The following MASP2 variants were observed in gnomAD, a reference collection of about 807,000 sequenced individuals.
MASP2 encodes the protein MBL associated serine protease 2.
Under a neutral mutation model 57.1 loss-of-function variants are expected in MASP2, and 49 were observed. That is an observed-to-expected ratio of 0.86 (90% CI 0.68 to 1.09). The LOEUF (loss-of-function observed/expected upper bound fraction) is 1.09, where lower values mean the gene tolerates loss of function less well. Ranked by LOEUF, MASP2 falls within the 50% of genes least tolerant of loss-of-function variation. The pLI is 0.00. For synonymous variants in MASP2, 379 were observed against 340.8 expected, an observed-to-expected ratio of 1.11 and a Z score of -1.24; for missense variants, 900 against 874.8, an observed-to-expected ratio of 1.03 and a Z score of -0.36.
rs762078074 is a variant in MASP2 at position 11,033,926 on chromosome 1, G to GACACAC, written c.1087+896_1087+901dup. Among the ~76,000 whole-genome samples the GACACAC allele has an allele frequency of 2.8e-3, 389 of 140,114 alleles. 2 individuals carry two copies. The highest frequency in any genetic ancestry group is 4.4e-3 in the Non-Finnish European group (292 of 65,928). 91.9% of individuals were successfully genotyped at this position (140,114 alleles called of 152,430 possible). On this transcript the variant is annotated intron_variant, in intron 8 of 10. Transcript: ENST00000400897. ...AGCCTGGGTGACAGAGTGAGACTCC[G>GACACAC]ACACACACACACACACACACACACA...
At chr1:11,043,120 A>T in intron 5 of MASP2, 98 bp from the exon 6 acceptor site, 1 of 1,371,160 alleles carries the variant, frequency 7.3e-7, no homozygotes, top group South Asian at 1.3e-5. Context: ...GGGACAGCCA[A>T]TGAGGCCAAC....
Position 11,039,128 on chromosome 1 carries a change from A to AGCTCCTG in MASP2, c.890-1318_890-1317insCAGGAGC, listed in dbSNP as rs200429677. ...ATTCAAGGATAGCTTCCTAGCTCCTAGCCCCTGTCTGGTGAGGTCCTCCTT... is the reference window on the plus strand; with the variant it reads ...ATTCAAGGATAGCTTCCTAGCTCCTAGCTCCTGGCCCCTGTCTGGTGAGGTCCTCCTT... On this transcript the variant is annotated intron_variant, in intron 6 of 10. Transcript: ENST00000400897. Among the ~76,000 whole-genome samples the AGCTCCTG allele has an allele frequency of 3.2e-3, 492 of 152,282 alleles. 9 individuals are homozygous for AGCTCCTG. The highest frequency in any genetic ancestry group is 0.012 in the African/African-American group (486 of 41,542).
chr1:11,035,575 TC>T (rs1643880906), intron 7 of MASP2, among the ~76,000 whole-genome samples: 3 of 151,154 alleles, frequency 2.0e-5, no homozygotes, highest in Admixed American at 6.6e-5. Context: ...CATTTCTGCA[TC>T]TGATGTTCCA....
At chr1:11,035,100 C>T (rs1373117265) in intron 7 of MASP2, among the ~76,000 whole-genome samples, 194 bp from the exon 8 acceptor site, 1 of 152,152 alleles carries the variant, frequency 6.6e-6, no homozygotes, top group Non-Finnish European at 1.5e-5. Flanking sequence ...TGCCCCACCG[C>T]CTCGGTGCAC....
At chr1:11,034,700 G>GGA (rs1553161101) in intron 8 of MASP2, 128 bp downstream of exon 8, 14 of 492,654 alleles carry the variant, frequency 2.8e-5, no homozygotes, top group Admixed American at 2.5e-4. Context: ...CCCTGTCTCA[G>GGA]AAAAAAAAAA....
chr1:11,040,333 G>A (rs1638386706), intron 6 of MASP2, among the ~76,000 whole-genome samples: 1 of 152,124 alleles, frequency 6.6e-6, no homozygotes, highest in Non-Finnish European at 1.5e-5. Context: ...GCTGGGCATG[G>A]TGGCGCATGC....
intron 10 of MASP2, among the ~76,000 whole-genome samples, chr1:11,029,168 ATTT>A (rs145611326): frequency 6.9e-6 from 1 of 143,894 alleles, no homozygotes; most frequent in Admixed American, 6.9e-5. Context: ...AATTTTTTGT[ATTT>A]TTTTTTTTTT....
chr1:11,044,106 A>C (rs1638551141), intron 4 of MASP2, among the ~76,000 whole-genome samples: 1 of 152,116 alleles, frequency 6.6e-6, no homozygotes, highest in African/African-American at 2.4e-5. Flanking sequence ...GAACCCAGCC[A>C]AGACCAGCCA....
chr1:11,046,496 A>C, intron 3 of MASP2, 60 bp downstream of exon 3: 12 of 1,591,148 alleles, frequency 7.5e-6, no homozygotes, highest in African/African-American at 1.3e-5. Flanking sequence ...GGCCTAAGAC[A>C]GAGTTACCCC....
rs115750484 is a variant in MASP2, at chr1:11,026,701, G to A, written c.*184C>T. 761 of 450,386 alleles carry A rather than the reference G, an allele frequency of 1.7e-3. 7 individuals are homozygous for A. The highest frequency in any genetic ancestry group is 0.013 in the African/African-American group (656 of 49,086). 27.9% of individuals were successfully genotyped at this position (450,386 alleles called of 1,614,324 possible). ...TGGTTTATGTCCCCTTGAGTCAATG[G>A]GTAAGGCTGGAATTAAACTGGCAAG... On this transcript the variant is annotated 3_prime_UTR_variant, in exon 11 of 11. Coordinates refer to ENST00000400897, the MANE Select transcript of MASP2 (RefSeq NM_006610.4).
intron 6 of MASP2, among the ~76,000 whole-genome samples, chr1:11,041,594 G>A: frequency 6.9e-6 from 1 of 144,622 alleles, no homozygotes; most frequent in Non-Finnish European, 1.5e-5. Flanking sequence ...GTGGGTGGAT[G>A]GATGGTGGAT....
At chr1:11,040,822 ATGAG>A (rs1437464068) in intron 6 of MASP2, among the ~76,000 whole-genome samples, 1 of 148,088 alleles carries the variant, frequency 6.8e-6, no homozygotes, top group East Asian at 2.0e-4. Context: ...AGGTAGAAGA[ATGAG>A]TGGACAGATG....
chr1:11,030,919 C>T (rs1557667553), intron 8 of MASP2, 37 bp from the exon 9 acceptor site: 3 of 1,597,482 alleles, frequency 1.9e-6, no homozygotes, highest in Non-Finnish European at 2.6e-6. Context: ...ATCCATTGAT[C>T]ATTTCAGTGC....
intron 7 of MASP2, among the ~76,000 whole-genome samples, chr1:11,036,524 A>AAC (rs1638241081): frequency 7.8e-6 from 1 of 127,766 alleles, no homozygotes; most frequent in African/African-American, 4.5e-5. Context: ...AAAAAAAAAA[A>AAC]AAAAAAAAAA....
At chr1:11,037,588 C>CTTT (rs1459422378) in intron 7 of MASP2, 105 bp downstream of exon 7, 1 of 685,148 alleles carries the variant, frequency 1.5e-6, no homozygotes. Context: ...AGAAATCATG[C>CTTT]TGACACACGA....
rs1340530202 is a variant in MASP2, at chr1:11,045,520, C to T, written c.432G>A (p.Val144=). 1.9e-6 allele frequency: 3 copies of T among 1,607,722 alleles called. No homozygotes were observed. The Admixed American group carries it at 5.0e-5, about 27-fold the overall frequency. The change falls in exon 4 of 11, where the codon GTG becomes GTA. Residue 144 remains valine, a synonymous_variant. Coordinates refer to ENST00000400897, the MANE Select transcript of MASP2 (RefSeq NM_006610.4). ...CGCAGGTGGGCGCCTCTCCCGGGGC[C>T]ACCTGGCACTCGTCAATGTCTGGGG... ...YAAEDIDECQ[V]APGEAPTCDH... is the part of the protein sequence containing the mutation.
chr1:11,044,761 T>TC, intron 4 of MASP2: 1 of 1,313,614 alleles, frequency 7.6e-7, no homozygotes, highest in Non-Finnish European at 1.0e-6. Flanking sequence ...CCCCGCCGCC[T>TC]CCCGACCCTC....
chr1:11,028,703 T>TG lies in MASP2; in HGVS notation c.1298-1056_1298-1055insC, dbSNP rs1452687580. ...TATATTACTATCTTTCTGGGTTTTT[T>TG]TTCTTTTTTTTTTTTTTTTTTTTTT... On this transcript the variant is annotated intron_variant, in intron 10 of 10. Coordinates refer to ENST00000400897, the MANE Select transcript of MASP2 (RefSeq NM_006610.4). 1.7e-4 allele frequency among the ~76,000 whole-genome samples: 6 copies of TG among 36,070 alleles called. No individual in the cohort carries two copies. The East Asian group carries it at 0.017, about 105-fold the overall frequency. The allele number at this position is 36,070 out of a possible 152,430, so 23.7% of individuals were successfully genotyped here. A position where few individuals can be genotyped will look rare whatever the true frequency, so the allele number is the denominator to read the frequency against.
At chr1:11,043,641 G>GTCCCA in intron 4 of MASP2, 106 bp from the exon 5 acceptor site, 2 of 771,946 alleles carry the variant, frequency 2.6e-6, no homozygotes, top group Non-Finnish European at 4.2e-6. Context: ...ACAGGGATGT[G>GTCCCA]GCTGGGACAT....
Sources: gnomAD v4.1 joint callset for allele counts (sites outside exome capture counted in the v4.1 genomes callset) on GRCh38, gnomAD v4.1.1 for gene constraint, MANE v1.5 for transcripts, NCBI Gene and HGNC (gene_info 2026-07-23, HGNC 2026-07-21) for gene names.